The following ESF1 variants were observed in gnomAD, a reference collection of about 807,000 sequenced individuals.
ESF1 encodes ESF1 nucleolar pre-rRNA processing protein, also known as ESF1 homolog.
ESF1 carries 58 observed loss-of-function variants against 92.0 expected under a neutral mutation model. That is an observed-to-expected ratio of 0.63 (90% CI 0.51 to 0.78). The LOEUF (loss-of-function observed/expected upper bound fraction) is 0.78, where lower values mean the gene tolerates loss of function less well. Among genes scored for constraint, ESF1 ranks in the 30% least tolerant of loss-of-function variants. The pLI is 0.00. For synonymous variants in ESF1, 321 were observed against 313.7 expected (o/e 1.02, Z -0.24); for missense variants, 922 against 989.1 (o/e 0.93, Z 0.91).
intron 11 of ESF1, among the ~76,000 whole-genome samples, chr20:13,727,242 C>T (rs1428301439): frequency 6.6e-6 from 1 of 152,194 alleles, no homozygotes; most frequent in African/African-American, 2.4e-5. Context: ...AATCCATCAT[C>T]TTCTAGAAAT....
chr20:13,750,772 A>T (rs1388868856), intron 9 of ESF1, among the ~76,000 whole-genome samples: 1 of 152,174 alleles, frequency 6.6e-6, no homozygotes, highest in Non-Finnish European at 1.5e-5. Context: ...TGAGGCCAGG[A>T]TTTTGAAGCC....
At chr20:13,743,622 C>T (rs1021679766) in intron 9 of ESF1, among the ~76,000 whole-genome samples, 2 of 152,028 alleles carry the variant, frequency 1.3e-5, no homozygotes, top group Admixed American at 6.5e-5. Flanking sequence ...TGAAGGCAGA[C>T]ACAGAAAGAT....
At chr20:13,771,806 C>G (rs958270) in intron 5 of ESF1, among the ~76,000 whole-genome samples, 1 of 151,690 alleles carries the variant, frequency 6.6e-6, no homozygotes, top group Admixed American at 6.6e-5. Context: ...AAAGATAATT[C>G]TATTATAAAA....
At chr20:13,718,655 T>TTA (rs2147715968) in intron 12 of ESF1, among the ~76,000 whole-genome samples, 1 of 152,254 alleles carries the variant, frequency 6.6e-6, no homozygotes, top group South Asian at 2.1e-4. Context: ...CCCTCTTAAT[T>TTA]TATAAAAGAA....
At chr20:13,740,736 A>G (rs192844185) in intron 9 of ESF1, among the ~76,000 whole-genome samples, 50 of 152,310 alleles carry the variant, frequency 3.3e-4, no homozygotes, top group Middle Eastern at 6.8e-3. Context: ...AACACCTAAA[A>G]TATGTTAAAA....
chr20:13,730,384 GC>G lies in ESF1; in HGVS notation c.1951-1920del, dbSNP rs1182900465. On this transcript the variant is annotated intron_variant, in intron 10 of 13. Transcript: ENST00000617257. ...CCAACACGCCTGGCCAAGAACAAGT[GC>G]TTTTTTTTTTTTTTTTGAGACGGAG... Among the ~76,000 whole-genome samples, 3 of 143,008 alleles carry G rather than the reference GC, an allele frequency of 2.1e-5. No homozygotes were observed. In the East Asian group the frequency reaches 6.3e-4, roughly 30 times the overall value. 93.8% of individuals were successfully genotyped at this position (143,008 alleles called of 152,430 possible).
intron 12 of ESF1, 134 bp downstream of exon 12, chr20:13,718,774 T>C: frequency 2.2e-6 from 1 of 455,856 alleles, no homozygotes; most frequent in Non-Finnish European, 3.6e-6. Flanking sequence ...AAATATTTAA[T>C]TATGTCTCTT....
intron 9 of ESF1, among the ~76,000 whole-genome samples, chr20:13,757,218 C>T (rs1978938235): frequency 6.6e-6 from 1 of 151,978 alleles, no homozygotes; most frequent in Non-Finnish European, 1.5e-5. Context: ...TTCCTCTTTG[C>T]CACAAGTACA....
At chr20:13,756,308 C>T (rs748396630) in intron 9 of ESF1, among the ~76,000 whole-genome samples, 4 of 152,168 alleles carry the variant, frequency 2.6e-5, no homozygotes, top group Non-Finnish European at 4.4e-5. Context: ...GATAACAATA[C>T]CTCATTAGGG....
chr20:13,748,403 T>TATATATACATATATATAC (rs1568717953), intron 9 of ESF1, among the ~76,000 whole-genome samples: 1 of 117,782 alleles, frequency 8.5e-6, no homozygotes, highest in Non-Finnish European at 1.8e-5. Flanking sequence ...TCAAAGGATA[T>TATATATACATATATATAC]ATATACACAT....
At chr20:13,776,698 C>A (rs940839992) in intron 2 of ESF1, among the ~76,000 whole-genome samples, 1 of 152,142 alleles carries the variant, frequency 6.6e-6, no homozygotes, top group Non-Finnish European at 1.5e-5. Context: ...GTTAAAATCA[C>A]AACTAAGATA....
At chr20:13,748,592 A>ATATATATTTTTTTT (rs1331098586) in intron 9 of ESF1, among the ~76,000 whole-genome samples, 25 of 95,716 alleles carry the variant, frequency 2.6e-4, no homozygotes, top group African/African-American at 1.5e-3. Flanking sequence ...ATATATATAT[A>ATATATATTTTTTTT]TTTTTTTTTT....
At chr20:13,716,683 C>T (rs572860741) in intron 13 of ESF1, among the ~76,000 whole-genome samples, 2 of 149,238 alleles carry the variant, frequency 1.3e-5, no homozygotes, top group African/African-American at 4.9e-5. Flanking sequence ...TTCTGTTGCC[C>T]AGGCTGGAGT....
chr20:13,775,996 C>G lies in ESF1; in HGVS notation c.912G>C (p.Arg304Ser). Residue 304 changes from arginine (R) to serine (S), a missense_variant, in exon 3 of 14, where the codon AGG becomes AGC. Transcript: ENST00000617257. ...AACTAGTTTCTATATTTCCTTTACC[C>G]CTTGCAAGATCAGGGCCACTGTCAC... is the stretch of plus-strand genomic sequence containing the variant. Reference protein sequence around the residue: ...DKSDSGPDLARGKGNIETSSE... With the variant: ...DKSDSGPDLASGKGNIETSSE... 1 of 1,613,894 alleles carries G rather than the reference C, an allele frequency of 6.2e-7. No homozygotes were observed. Among genetic ancestry groups the G allele is most frequent in the Non-Finnish European group, 8.5e-7 (1 of 1,179,918 alleles).
At chr20:13,731,405 G>A (rs1032668730) in intron 10 of ESF1, among the ~76,000 whole-genome samples, 12 of 152,006 alleles carry the variant, frequency 7.9e-5, no homozygotes, top group Admixed American at 3.3e-4. Context: ...GGTGGCGGGC[G>A]CCTGTAGTCC....
intron 1 of ESF1, among the ~76,000 whole-genome samples, chr20:13,783,433 T>A (rs572594055): frequency 7.2e-5 from 11 of 152,284 alleles, no homozygotes; most frequent in Non-Finnish European, 1.3e-4. Context: ...CAAAGCAGAA[T>A]CCCAGGGCTT....
chr20:13,742,573 G>A (rs566016824), intron 9 of ESF1, among the ~76,000 whole-genome samples: 1 of 152,238 alleles, frequency 6.6e-6, no homozygotes, highest in African/African-American at 2.4e-5. Flanking sequence ...TAGGGGACAT[G>A]CATAGAAATG....
In ESF1 at chr20:13,728,474, T is replaced by C. The variant is rs1418026401; in HGVS notation, c.1951-9A>G. The C allele has an allele frequency of 6.3e-7, 1 of 1,581,764 alleles. No individual in the cohort carries two copies. Among genetic ancestry groups the C allele is most frequent in the Non-Finnish European group, 8.6e-7 (1 of 1,164,378 alleles). On this transcript the variant is annotated splice_polypyrimidine_tract_variant and intron_variant, in intron 10 of 13. Coordinates refer to ENST00000617257, the MANE Select transcript of ESF1 (RefSeq NM_001276380.2). ...GCCTCTTCAGCAAGAGCCTTAAAAGTTGAATATAAAAATACAAAATTTCAT... is the reference window on the plus strand; with the variant it reads ...GCCTCTTCAGCAAGAGCCTTAAAAGCTGAATATAAAAATACAAAATTTCAT...
chr20:13,782,642 T>C lies in ESF1; in HGVS notation c.499A>G (p.Lys167Glu), dbSNP rs141947077. The change falls in exon 2 of 14, where the codon AAA (lysine) becomes GAA (glutamate). Residue 167 changes from lysine (K) to glutamate (E), a missense_variant. Transcript: ENST00000617257. ...TGTTGAACAATGTTTTTTTTCTCTT[T>C]CTTATTTTTTTGTGTAAATTCTTTG... ...DSKEFTQKNKKEKKNIVQHTT... is the reference protein window; with the variant it reads ...DSKEFTQKNKEEKKNIVQHTT... 17 of 1,607,170 alleles carry C rather than the reference T, an allele frequency of 1.1e-5. No individual in the cohort carries two copies. Among genetic ancestry groups the C allele is most frequent in the Non-Finnish European group, 1.4e-5 (17 of 1,178,256 alleles).
Sources: gnomAD v4.1 joint callset for allele counts (sites outside exome capture counted in the v4.1 genomes callset) on GRCh38, gnomAD v4.1.1 for gene constraint, MANE v1.5 for transcripts, NCBI Gene and HGNC (gene_info 2026-07-23, HGNC 2026-07-21) for gene names.